The following PGBD1 variants were observed in gnomAD, a reference collection of about 807,000 sequenced individuals.
The protein encoded by PGBD1 is piggyBac transposable element derived 1, also known as piggyBac transposable element-derived protein 1.
In PGBD1, 25 loss-of-function variants were observed where a neutral mutation model predicts 34.7. That is an observed-to-expected ratio of 0.72 (90% CI 0.52 to 1.00). The LOEUF (loss-of-function observed/expected upper bound fraction) is 1.00. PGBD1 is among the 50% of genes least tolerant of loss of function. The pLI is 0.00. For missense variants in PGBD1, 830 were observed against 959.4 expected (o/e 0.87, Z 1.78); for synonymous variants, 292 against 335.7 (o/e 0.87, Z 1.42).
chr6:28,287,431 G>A (rs1467496971), intron 4 of PGBD1, among the ~76,000 whole-genome samples: 2 of 152,166 alleles, frequency 1.3e-5, no homozygotes, highest in Non-Finnish European at 2.9e-5. Flanking sequence ...GGTGGAGTGA[G>A]GCTCCTGGTT....
chr6:28,284,454 A>G (rs1301029987), intron 2 of PGBD1, among the ~76,000 whole-genome samples: 1 of 151,958 alleles, frequency 6.6e-6, no homozygotes, highest in African/African-American at 2.4e-5. Flanking sequence ...GTATATGTAT[A>G]CACACACATA....
Position 28,301,497 on chromosome 6 carries a change from C to A in PGBD1, c.1643C>A (p.Ser548Ter). Reference protein sequence around the residue: ...PLEEYYCFDKSMCECFDSDQF... With the variant: ...PLEEYYCFDK ...GAAGAATACTATTGCTTTGATAAGT[C>A]AATGTGTGAATGCTTTGATAGTGAC... The change falls in exon 7 of 7, where the codon TCA (serine) becomes TAA (stop). Residue 548 changes from serine to a stop codon, truncating the protein, a stop_gained. Coordinates refer to ENST00000682144, the MANE Select transcript of PGBD1 (RefSeq NM_032507.4). LOFTEE classifies it low-confidence loss of function (END_TRUNC). The A allele has an allele frequency of 1.2e-6, 2 of 1,613,960 alleles. No individual in the cohort carries two copies. The highest frequency in any genetic ancestry group is 2.2e-5 in the South Asian group (2 of 91,054).
At chr6:28,295,247 G>A (rs1762592336) in intron 4 of PGBD1, among the ~76,000 whole-genome samples, 1 of 152,182 alleles carries the variant, frequency 6.6e-6, no homozygotes, top group Admixed American at 6.5e-5. Context: ...TACTTCTTAT[G>A]GGTGAGAAAA....
intron 4 of PGBD1, among the ~76,000 whole-genome samples, chr6:28,290,098 T>TTTG (rs894036904): frequency 3.3e-5 from 5 of 152,062 alleles, no homozygotes; most frequent in African/African-American, 9.7e-5. Flanking sequence ...ACAGAGGTTT[T>TTTG]TTGTTGTTGT....
chr6:28,283,687 G>T, intron 1 of PGBD1, 89 bp from the exon 2 acceptor site: 1 of 1,225,494 alleles, frequency 8.2e-7, no homozygotes, highest in Non-Finnish European at 1.1e-6. Flanking sequence ...GGACAAAAAT[G>T]TAAGTAGGTT....
In PGBD1 at chr6:28,285,676, G is replaced by T; in HGVS notation, c.522G>T (p.Gln174His). The change falls in exon 3 of 7, where the codon CAG becomes CAT. Residue 174 changes from glutamine to histidine, a missense_variant. By Grantham distance (24) the Gln-to-His change is conservative. Transcript: ENST00000682144. ...CCACCCTGAAGTGTGAACCTCCACA[G>T]CGTCCTCAAGGGAACCCCCAAGAAG... The part of the protein sequence containing the change: ...GITTLKCEPP[Q>H]RPQGNPQEVS... The T allele has an allele frequency of 6.2e-7, 1 of 1,613,982 alleles. No homozygotes were observed. Among genetic ancestry groups the T allele is most frequent in the Non-Finnish European group, 8.5e-7 (1 of 1,180,004 alleles).
At chr6:28,282,458 A>G (rs1490315090) in intron 1 of PGBD1, among the ~76,000 whole-genome samples, 1 of 152,220 alleles carries the variant, frequency 6.6e-6, no homozygotes, top group East Asian at 1.9e-4. Context: ...TATGGTCACA[A>G]CTGTGCTTTA....
At position 28,300,719 on chromosome 6, in the gene PGBD1, C is replaced by G. The variant is rs756171018; in HGVS notation, c.870-5C>G. The G allele has an allele frequency of 6.3e-7, 1 of 1,580,550 alleles. No homozygotes were observed. Among genetic ancestry groups the G allele is most frequent in the Non-Finnish European group, 8.6e-7 (1 of 1,163,936 alleles). The stretch of plus-strand genomic sequence containing the variant: ...TTTATAACATGTTCTTTTTTTCTTT[C>G]CCAGAGAGTGTGCACCCCAGATTCC... On this transcript the variant is annotated splice_region_variant and splice_polypyrimidine_tract_variant and intron_variant, in intron 6 of 6. Coordinates refer to ENST00000682144, the MANE Select transcript of PGBD1 (RefSeq NM_032507.4). The surrounding 1 kb of genome is among the most constrained non-coding windows in gnomAD (Gnocchi z 4.0).
In PGBD1 at chr6:28,301,187, C is replaced by T; in HGVS notation, c.1333C>T (p.Gln445Ter). 2 of 1,614,082 alleles carry T rather than the reference C, an allele frequency of 1.2e-6. No homozygotes were observed. The highest frequency in any genetic ancestry group is 2.2e-5 in the South Asian group (2 of 91,070). Residue 445 changes from glutamine to a stop codon, truncating the protein, a stop_gained, in exon 7 of 7, where the codon CAG (glutamine) becomes TAG (stop). Coordinates refer to ENST00000682144, the MANE Select transcript of PGBD1 (RefSeq NM_032507.4). LOFTEE classifies it low-confidence loss of function (END_TRUNC). ...IVNETNNYAS[Q>*]KNVSLEVTVQ... ...CAATGAAACCAATAATTATGCTTCTCAGAAAAATGTCAGCTTGGAAGTCAC... is the reference window on the plus strand; with the variant it reads ...CAATGAAACCAATAATTATGCTTCTTAGAAAAATGTCAGCTTGGAAGTCAC...
rs1450354148 is a variant in PGBD1, at chr6:28,302,096, A to T, written c.2242A>T (p.Lys748Ter). The change falls in exon 7 of 7, where the codon AAA (lysine) becomes TAA (stop). Residue 748 changes from lysine to a stop codon, truncating the protein, a stop_gained. Coordinates refer to ENST00000682144, the MANE Select transcript of PGBD1 (RefSeq NM_032507.4). LOFTEE classifies it low-confidence loss of function (END_TRUNC). ...GVAKMDQIIS[K>*]YRVRIRSKKW... is the part of the protein sequence containing the mutation. ...AGCTAAAATGGATCAAATTATTTCG[A>T]AATACAGGGTGAGGATAAGAAGCAA... The T allele has an allele frequency of 1.2e-6, 2 of 1,614,134 alleles. No individual in the cohort carries two copies. Among genetic ancestry groups the T allele is most frequent in the Middle Eastern group, 1.6e-4 (1 of 6,062 alleles).
At chr6:28,293,221 A>ATG (rs1561888683) in intron 4 of PGBD1, among the ~76,000 whole-genome samples, 1 of 152,170 alleles carries the variant, frequency 6.6e-6, no homozygotes, top group African/African-American at 2.4e-5. Flanking sequence ...GATTACAGGC[A>ATG]TGAGCCACCA....
In PGBD1 at chr6:28,284,200, A is replaced by G; in HGVS notation, c.387A>G (p.Thr129=). ...ATCTAGAGACAGGAAGTGGAGACACAGGACAACAGGTGGGAAGAGAATGTG... is the reference window on the plus strand; with the variant it reads ...ATCTAGAGACAGGAAGTGGAGACACGGGACAACAGGTGGGAAGAGAATGTG... ...LENLETGSGD[T]GQQASVYIQG... is the part of the protein sequence containing the mutation. Residue 129 remains threonine (T), a synonymous_variant, in exon 2 of 7, where the codon ACA becomes ACG. Transcript: ENST00000682144. The G allele has an allele frequency of 6.5e-7, 1 of 1,547,730 alleles. No homozygotes were observed. Among genetic ancestry groups the G allele is most frequent in the Non-Finnish European group, 8.7e-7 (1 of 1,144,678 alleles).
intron 3 of PGBD1, among the ~76,000 whole-genome samples, chr6:28,286,624 A>AT (rs900053055): frequency 5.9e-5 from 9 of 151,810 alleles, no homozygotes; most frequent in Non-Finnish European, 1.2e-4. Context: ...TCTCTTCTCT[A>AT]TTTTTTTAAA....
At position 28,289,447 on chromosome 6, in the gene PGBD1, G is replaced by A. The variant is rs143927882; in HGVS notation, c.642+2279G>A. ...ACAAGAAATGCTAAAGAATTCTTCA[G>A]TCTAAAAGGAAAGAAGACTAATGTG... On this transcript the variant is annotated intron_variant, in intron 4 of 6. Transcript: ENST00000682144. 2.9e-3 allele frequency among the ~76,000 whole-genome samples: 443 copies of A among 152,282 alleles called. 5 individuals are homozygous for A. The highest frequency in any genetic ancestry group is 0.01 in the African/African-American group (419 of 41,554).
chr6:28,287,010 T>C, intron 3 of PGBD1, 70 bp from the exon 4 acceptor site: 1 of 1,156,340 alleles, frequency 8.6e-7, no homozygotes, highest in Non-Finnish European at 1.3e-6. Flanking sequence ...GGGAAAAGGC[T>C]GGGTCTCCAA....
intron 5 of PGBD1, 86 bp from the exon 6 acceptor site, chr6:28,297,809 C>A (rs916676652): frequency 1.8e-5 from 12 of 682,264 alleles, no homozygotes; most frequent in Non-Finnish European, 2.6e-5. Context: ...TATTCCCTAC[C>A]CTGGAAGTTT....
rs200075250 is a variant in PGBD1, at chr6:28,302,082, A to T, written c.2228A>T (p.Asp743Val). The T allele has an allele frequency of 4.0e-5, 64 of 1,614,150 alleles. No homozygotes were observed. In the African/African-American group the frequency reaches 4.1e-4, roughly 10 times the overall value. Residue 743 changes from aspartate (D) to valine (V), a missense_variant, in exon 7 of 7, where the codon GAT (aspartate) becomes GTT (valine). Physicochemically the swap from Asp to Val is radical, Grantham distance 152. Coordinates refer to ENST00000682144, the MANE Select transcript of PGBD1 (RefSeq NM_032507.4). ...TGCAAGGAAGGTGTAGCTAAAATGGATCAAATTATTTCGAAATACAGGGTG... is the reference window on the plus strand; with the variant it reads ...TGCAAGGAAGGTGTAGCTAAAATGGTTCAAATTATTTCGAAATACAGGGTG... The part of the protein sequence containing the change: ...DECKEGVAKM[D>V]QIISKYRVRI...
At chr6:28,282,282 A>C (rs1381233327) in intron 1 of PGBD1, among the ~76,000 whole-genome samples, 1 of 152,248 alleles carries the variant, frequency 6.6e-6, no homozygotes, top group African/African-American at 2.4e-5. Flanking sequence ...TTTATTCCAG[A>C]GTTAACTTTA....
At position 28,300,957 on chromosome 6, in the gene PGBD1, A is replaced by G; in HGVS notation, c.1103A>G (p.Asp368Gly). 1 of 1,614,176 alleles carries G rather than the reference A, an allele frequency of 6.2e-7. No individual in the cohort carries two copies. The highest frequency in any genetic ancestry group is 8.5e-7 in the Non-Finnish European group (1 of 1,180,036). The change falls in exon 7 of 7, where the codon GAT becomes GGT. Residue 368 changes from aspartate (D) to glycine (G), a missense_variant. By Grantham distance (94) the Asp-to-Gly change is moderately conservative. Around this residue, in one of 3 missense-constraint regions of PGBD1, gnomAD observed 457 missense variants for 515.4 expected, o/e 0.89. Coordinates refer to ENST00000682144, the MANE Select transcript of PGBD1 (RefSeq NM_032507.4). This position sits in a 1 kb window ranked among gnomAD's most constrained non-coding sequence, Gnocchi z 4.0. Reference protein sequence around the residue: ...SFSGDSDVEKDNEPEIQPAQK... With the variant: ...SFSGDSDVEKGNEPEIQPAQK... ...TCTGGTGACTCAGATGTGGAAAAAG[A>G]TAATGAGCCTGAGATCCAGCCTGCT...
Sources: allele counts gnomAD v4.1 joint callset (sites outside exome capture counted in the v4.1 genomes callset), GRCh38; gene constraint gnomAD v4.1.1; regional missense constraint gnomAD v4.1.1; non-coding constraint Gnocchi (gnomAD v3.1); transcripts MANE v1.5; gene names NCBI Gene and HGNC (gene_info 2026-07-23, HGNC 2026-07-21).